CPNE4: variants seen among roughly 807,000 people sequenced by gnomAD.
CPNE4 encodes the protein copine-4.
In CPNE4, 25 loss-of-function variants were observed where a neutral mutation model predicts 67.9. That is an observed-to-expected ratio of 0.37 (90% CI 0.27 to 0.51). CPNE4 has a LOEUF of 0.51. Among genes scored for constraint, CPNE4 ranks in the 20% least tolerant of loss-of-function variants. The probability of loss-of-function intolerance (pLI) is 0.93; values close to 1 mark genes in which losing one functional copy is unlikely to be tolerated. For missense variants in CPNE4, 464 were observed against 690.8 expected, an observed-to-expected ratio of 0.67 and a Z score of 3.68; for synonymous variants, 242 against 244.9, an observed-to-expected ratio of 0.99 and a Z score of 0.11.
intron 7 of CPNE4, among the ~76,000 whole-genome samples, chr3:131,648,423 C>T (rs949249862): frequency 1.3e-5 from 2 of 152,150 alleles, no homozygotes; most frequent in Non-Finnish European, 2.9e-5. Flanking sequence ...TATTCATGGA[C>T]ATCAGCCTTC....
chr3:131,725,228 C>G (rs751659034), intron 2 of CPNE4, among the ~76,000 whole-genome samples: 8 of 152,174 alleles, frequency 5.3e-5, no homozygotes, highest in Non-Finnish European at 8.8e-5. Flanking sequence ...TTCTAGCCAC[C>G]CCTAACATTC....
chr3:131,621,078 C>G (rs1277001245), intron 7 of CPNE4, among the ~76,000 whole-genome samples: 1 of 152,124 alleles, frequency 6.6e-6, no homozygotes, highest in African/African-American at 2.4e-5. Context: ...GGAGGCAAAA[C>G]TAAGACCCAA....
chr3:131,938,396 A>G (rs2071288629), intron 1 of CPNE4, among the ~76,000 whole-genome samples: 1 of 151,122 alleles, frequency 6.6e-6, no homozygotes, highest in Non-Finnish European at 1.5e-5. Flanking sequence ...ATAAAAAAAT[A>G]AACTTGATAA....
chr3:131,707,422 G>A (rs1027197012), intron 3 of CPNE4, among the ~76,000 whole-genome samples: 4 of 152,144 alleles, frequency 2.6e-5, no homozygotes, highest in African/African-American at 7.2e-5. Flanking sequence ...TGACCTTCTC[G>A]TCTTGAGATC....
At chr3:131,695,126 C>T (rs552086761) in intron 5 of CPNE4, among the ~76,000 whole-genome samples, 1 of 152,254 alleles carries the variant, frequency 6.6e-6, no homozygotes, top group Non-Finnish European at 1.5e-5. Flanking sequence ...CATCTGAGAC[C>T]ATTTAACTTC....
chr3:131,682,970 C>A (rs149355209), intron 6 of CPNE4, among the ~76,000 whole-genome samples: 1 of 152,076 alleles, frequency 6.6e-6, no homozygotes, highest in Non-Finnish European at 1.5e-5. Context: ...TCACTCAGGG[C>A]CCAAATATTC....
At chr3:131,969,754 C>T (rs2072454256) in intron 1 of CPNE4, among the ~76,000 whole-genome samples, 1 of 152,130 alleles carries the variant, frequency 6.6e-6, no homozygotes, top group Non-Finnish European at 1.5e-5. Flanking sequence ...TCTCTAGTTC[C>T]TAAATGACAT....
rs115522932 is a variant in CPNE4, at chr3:131,753,212, A to G, written c.181-29587T>C. Among the ~76,000 whole-genome samples, 754 of 151,988 alleles carry G rather than the reference A, an allele frequency of 5.0e-3. 7 individuals are homozygous for G. The highest frequency in any genetic ancestry group is 0.017 in the African/African-American group (715 of 41,522). On this transcript the variant is annotated intron_variant, in intron 2 of 15. Transcript: ENST00000429747. Reference sequence around the variant, plus strand: ...GTAATAAGTCCTCAACTGCCTAATAACCTAAGAAAAAAGTAAAATTTTGCT... The same window carrying G: ...GTAATAAGTCCTCAACTGCCTAATAGCCTAAGAAAAAAGTAAAATTTTGCT...
intron 2 of CPNE4, among the ~76,000 whole-genome samples, chr3:131,848,199 G>C (rs1370831824): frequency 6.6e-6 from 1 of 152,142 alleles, no homozygotes; most frequent in East Asian, 1.9e-4. Flanking sequence ...TTCACTTTCT[G>C]CTATTGCTTT....
chr3:131,955,205 A>C (rs2613981), intron 1 of CPNE4, among the ~76,000 whole-genome samples: 112,007 of 151,450 alleles, frequency 0.74, 41,634 homozygotes, highest in Admixed American at 0.82. Context: ...TCATACCCAA[A>C]TTAACAGTAC....
intron 6 of CPNE4, among the ~76,000 whole-genome samples, chr3:131,676,350 A>G (rs1193686076): frequency 1.3e-5 from 2 of 151,976 alleles, no homozygotes; most frequent in African/African-American, 4.8e-5. Flanking sequence ...TGAGCCACTG[A>G]GGCTGGCCCA....
intron 7 of CPNE4, among the ~76,000 whole-genome samples, chr3:131,649,248 C>G (rs1348076273): frequency 6.6e-6 from 1 of 152,226 alleles, no homozygotes; most frequent in East Asian, 1.9e-4. Flanking sequence ...GGTAACTTTA[C>G]AGTCCTGATA....
chr3:131,842,833 T>C (rs190365601), intron 2 of CPNE4, among the ~76,000 whole-genome samples: 3 of 151,542 alleles, frequency 2.0e-5, no homozygotes, highest in African/African-American at 7.3e-5. Flanking sequence ...AAAAGTAACA[T>C]GAAACACTTG....
chr3:131,631,682 G>A (rs755402258), intron 7 of CPNE4, among the ~76,000 whole-genome samples: 6 of 151,946 alleles, frequency 3.9e-5, no homozygotes, highest in African/African-American at 7.3e-5. Flanking sequence ...TGAGAGAATT[G>A]CCTCTTATAA....
chr3:131,864,526 A>C (rs1290397542), intron 2 of CPNE4, among the ~76,000 whole-genome samples: 1 of 151,900 alleles, frequency 6.6e-6, no homozygotes, highest in Non-Finnish European at 1.5e-5. Flanking sequence ...TTGGTGTATA[A>C]GAATGCTTGT....
intron 3 of CPNE4, among the ~76,000 whole-genome samples, 169 bp downstream of exon 3, chr3:131,723,277 C>A: frequency 6.6e-6 from 1 of 152,138 alleles, no homozygotes; most frequent in Non-Finnish European, 1.5e-5. Flanking sequence ...ATCATCTCTA[C>A]ATAAACATAA....
rs186253653 is a variant in CPNE4, at chr3:131,690,645, C to T, written c.508-4687G>A. On this transcript the variant is annotated intron_variant, in intron 5 of 15. Coordinates refer to ENST00000429747, the MANE Select transcript of CPNE4 (RefSeq NM_130808.3). Reference sequence around the variant, plus strand: ...GTTGGCCTTGGCAAAGAATTTATGTCGAAGTCCTCAAAAGCAACAAAAACA... The same window carrying T: ...GTTGGCCTTGGCAAAGAATTTATGTTGAAGTCCTCAAAAGCAACAAAAACA... Among the ~76,000 whole-genome samples the T allele has an allele frequency of 4.4e-4, 67 of 151,880 alleles. No homozygotes were observed. In the East Asian group the frequency reaches 7.0e-3, roughly 16 times the overall value.
intron 2 of CPNE4, among the ~76,000 whole-genome samples, chr3:131,735,309 G>A (rs1168606348): frequency 6.6e-6 from 1 of 152,218 alleles, no homozygotes; most frequent in Non-Finnish European, 1.5e-5. Flanking sequence ...TCACATAGCA[G>A]AGCATTATCA....
intron 3 of CPNE4, among the ~76,000 whole-genome samples, chr3:131,703,726 T>G (rs1256420170): frequency 7.7e-6 from 1 of 129,180 alleles, no homozygotes; most frequent in East Asian, 2.0e-4. Flanking sequence ...TTTTCAGAAT[T>G]TTTTTTATAT....
Sources: allele counts gnomAD v4.1 joint callset (sites outside exome capture counted in the v4.1 genomes callset), GRCh38; gene constraint gnomAD v4.1.1; transcripts MANE v1.5; gene names NCBI Gene and HGNC (gene_info 2026-07-23, HGNC 2026-07-21).